WWC1: variants seen among roughly 807,000 people sequenced by gnomAD.
WWC1 encodes protein KIBRA.
Under a neutral mutation model 138.4 loss-of-function variants are expected in WWC1, and 55 were observed. That is an observed-to-expected ratio of 0.40 (90% CI 0.32 to 0.50). The LOEUF (loss-of-function observed/expected upper bound fraction) is 0.50, where lower values mean the gene tolerates loss of function less well. Among genes scored for constraint, WWC1 ranks in the 20% least tolerant of loss-of-function variants. The probability of loss-of-function intolerance (pLI) is 0.72; values close to 1 mark genes in which losing one functional copy is unlikely to be tolerated. For missense variants in WWC1, 1,226 were observed against 1,420.4 expected, an observed-to-expected ratio of 0.86 and a Z score of 2.20; for synonymous variants, 524 against 564.9, an observed-to-expected ratio of 0.93 and a Z score of 1.03.
rs970476838 is a variant in WWC1, at chr5:168,469,432, T to A, written c.*415T>A. ...AGTAATGCCTGGGGGACGGTAATCC[T>A]AATAGGACGTCCCGCACTTGTCACA... On this transcript the variant is annotated 3_prime_UTR_variant, in exon 23 of 23. Coordinates refer to ENST00000265293, the MANE Select transcript of WWC1 (RefSeq NM_015238.3). The A allele has an allele frequency of 1.1e-5, 2 of 176,078 alleles. No individual in the cohort carries two copies. Among genetic ancestry groups the A allele is most frequent in the Non-Finnish European group, 2.4e-5 (2 of 81,970 alleles). 10.9% of individuals were successfully genotyped at this position (176,078 alleles called of 1,614,324 possible).
chr5:168,361,169 A>G (rs539529829), intron 1 of WWC1, among the ~76,000 whole-genome samples: 6 of 152,214 alleles, frequency 3.9e-5, no homozygotes, highest in African/African-American at 7.2e-5. Flanking sequence ...GACCTGGGGG[A>G]AGGAATGGAC....
intron 16 of WWC1, among the ~76,000 whole-genome samples, chr5:168,442,514 T>G (rs1377540993): frequency 6.6e-6 from 1 of 151,200 alleles, no homozygotes; most frequent in African/African-American, 2.4e-5. Context: ...TAAAGAGCAC[T>G]TGGTAACTGT....
intron 5 of WWC1, among the ~76,000 whole-genome samples, chr5:168,403,068 TTC>T (rs775278149): frequency 1.6e-3 from 183 of 113,258 alleles, no homozygotes; most frequent in Non-Finnish European, 2.4e-3. Flanking sequence ...CTTTCTTTCT[TTC>T]TTTCTTTCTT....
chr5:168,345,409 C>T (rs1452515565), intron 1 of WWC1, among the ~76,000 whole-genome samples: 1 of 152,176 alleles, frequency 6.6e-6, no homozygotes, highest in Non-Finnish European at 1.5e-5. Context: ...AAATCCTTCC[C>T]TTTTAAAGGG....
In WWC1 at chr5:168,435,078, G is replaced by C. The variant is rs1235511155; in HGVS notation, c.2280+3634G>C. Among the ~76,000 whole-genome samples, 5 of 152,280 alleles carry C rather than the reference G, an allele frequency of 3.3e-5. No homozygotes were observed. The South Asian group carries it at 6.2e-4, about 19-fold the overall frequency. ...CACTCACTTCCCATGAGCCCTCAAT[G>C]CTGCCCAGAAATTATACTGTATCTC... On this transcript the variant is annotated intron_variant, in intron 15 of 22. Transcript: ENST00000265293.
At chr5:168,334,753 ACT>A (rs1773317869) in intron 1 of WWC1, among the ~76,000 whole-genome samples, 1 of 152,016 alleles carries the variant, frequency 6.6e-6, no homozygotes, top group South Asian at 2.1e-4. Flanking sequence ...TGAATCAATG[ACT>A]CTCCTGCTAA....
intron 1 of WWC1, among the ~76,000 whole-genome samples, chr5:168,333,435 T>TA (rs1244470731): frequency 6.6e-6 from 1 of 152,228 alleles, no homozygotes; most frequent in Admixed American, 6.5e-5. Context: ...TTCATACCTT[T>TA]ATGCCTGAGA....
At chr5:168,464,196 G>C (rs1757050485) in intron 20 of WWC1, among the ~76,000 whole-genome samples, 1 of 152,120 alleles carries the variant, frequency 6.6e-6, no homozygotes, top group Non-Finnish European at 1.5e-5. Context: ...GAAACAATAG[G>C]GGCCCATTAC....
chr5:168,365,993 G>A (rs1776264264), intron 1 of WWC1, among the ~76,000 whole-genome samples: 1 of 152,208 alleles, frequency 6.6e-6, no homozygotes, highest in Non-Finnish European at 1.5e-5. Flanking sequence ...GTGGGGGCTG[G>A]GAGTTCCAGG....
intron 8 of WWC1, chr5:168,410,330 A>C (rs1176811102): frequency 3.2e-6 from 1 of 314,436 alleles, no homozygotes; most frequent in African/African-American, 2.1e-5. Context: ...GAAGGAGTAC[A>C]ACTGGAATTT....
At position 168,447,155 on chromosome 5, in the gene WWC1, G is replaced by A. The variant is rs140308930; in HGVS notation, c.2525+2570G>A. Among the ~76,000 whole-genome samples, 362 of 152,304 alleles carry A rather than the reference G, an allele frequency of 2.4e-3. 2 individuals carry two copies. Among genetic ancestry groups the A allele is most frequent in the African/African-American group, 8.3e-3 (343 of 41,562 alleles). The stretch of plus-strand genomic sequence containing the variant: ...TAGAAAACAGCCACTATGTCATGGG[G>A]TATTTTGCAAAATTCAGTAAAATTA... On this transcript the variant is annotated intron_variant, in intron 17 of 22. Transcript: ENST00000265293.
chr5:168,377,682 C>T (rs913230287), intron 2 of WWC1, among the ~76,000 whole-genome samples: 8 of 152,172 alleles, frequency 5.3e-5, no homozygotes, highest in Admixed American at 1.3e-4. Flanking sequence ...TGAAAAAATG[C>T]TCCACATCCG....
chr5:168,365,024 G>A (rs1776181539), intron 1 of WWC1, among the ~76,000 whole-genome samples: 1 of 152,194 alleles, frequency 6.6e-6, no homozygotes, highest in Admixed American at 6.5e-5. Flanking sequence ...TAGACAATGA[G>A]TAAAAGAGTC....
Position 168,408,590 on chromosome 5 carries a change from T to G in WWC1, c.804T>G (p.Ser268Arg). ...DLWSSSSSLE[S>R]SSFPLPKQYL... The stretch of plus-strand genomic sequence containing the variant: ...GGTCCAGCAGCAGCTCTCTGGAGAG[T>G]TCGAGTTTCCCGCTACCGAAACAGT... The change falls in exon 7 of 23, where the codon AGT becomes AGG. Residue 268 changes from serine to arginine, a missense_variant. Physicochemically the swap from Ser to Arg is moderately radical, Grantham distance 110. This residue lies in a region of WWC1 where 1,016 missense variants were observed against 1,153.9 expected (regional missense o/e 0.88). Transcript: ENST00000265293. 1 of 1,613,950 alleles carries G rather than the reference T, an allele frequency of 6.2e-7. No individual in the cohort carries two copies. Among genetic ancestry groups the G allele is most frequent in the Non-Finnish European group, 8.5e-7 (1 of 1,179,972 alleles).
rs760818700 is a variant in WWC1, at chr5:168,408,670, G to A, written c.867+17G>A. 1.2e-6 allele frequency: 2 copies of A among 1,613,258 alleles called. No homozygotes were observed. Among genetic ancestry groups the A allele is most frequent in the Non-Finnish European group, 1.7e-6 (2 of 1,179,518 alleles). ...TCGGGAAGCGTGAGTAGACGGGGCAGGTTGCTGGGGGCCTTCCACAGGATG... is the reference window on the plus strand; with the variant it reads ...TCGGGAAGCGTGAGTAGACGGGGCAAGTTGCTGGGGGCCTTCCACAGGATG... On this transcript the variant is annotated intron_variant, in intron 7 of 22. Coordinates refer to ENST00000265293, the MANE Select transcript of WWC1 (RefSeq NM_015238.3).
At position 168,469,152 on chromosome 5, in the gene WWC1, C is replaced by A. The variant is rs1364464827; in HGVS notation, c.*135C>A. ...TGCTCTTGTTGGTTTGAAGATGAAC[C>A]GACTTTTTAGTTTGGGTCCTACTGT... On this transcript the variant is annotated 3_prime_UTR_variant, in exon 23 of 23. Coordinates refer to ENST00000265293, the MANE Select transcript of WWC1 (RefSeq NM_015238.3). 6 of 1,017,874 alleles carry A rather than the reference C, an allele frequency of 5.9e-6. No individual in the cohort carries two copies. The highest frequency in any genetic ancestry group is 2.1e-4 in the Middle Eastern group (1 of 4,688). The allele number at this position is 1,017,874 out of a possible 1,614,324, so 63.1% of individuals were successfully genotyped here. A position where few individuals can be genotyped will look rare whatever the true frequency, so the allele number is the denominator to read the frequency against.
rs1413131355 is a variant in WWC1 at position 168,385,294 on chromosome 5, G to A, written c.313G>A (p.Glu105Lys). 5 of 1,614,018 alleles carry A rather than the reference G, an allele frequency of 3.1e-6. No homozygotes were observed. Among genetic ancestry groups the A allele is most frequent in the Non-Finnish European group, 4.2e-6 (5 of 1,179,988 alleles). ...GAAGGATTACCTGGTGGTGGCCCAGGAGGCTCTGAGTGCACAAAAGGAGAT... is the reference window on the plus strand; with the variant it reads ...GAAGGATTACCTGGTGGTGGCCCAGAAGGCTCTGAGTGCACAAAAGGAGAT... The part of the protein sequence containing the change: ...MLKDYLVVAQ[E>K]ALSAQKEIYQ... The change falls in exon 3 of 23, where the codon GAG becomes AAG. Residue 105 changes from glutamate (E) to lysine (K), a missense_variant. Coordinates refer to ENST00000265293, the MANE Select transcript of WWC1 (RefSeq NM_015238.3).
chr5:168,321,278 TTC>T (rs1406273574), intron 1 of WWC1, among the ~76,000 whole-genome samples: 2 of 152,250 alleles, frequency 1.3e-5, no homozygotes, highest in South Asian at 2.1e-4. Flanking sequence ...AAGAACCAGG[TTC>T]TTTTTCTAGA....
chr5:168,380,513 A>G (rs2152815089), intron 2 of WWC1, among the ~76,000 whole-genome samples: 1 of 152,318 alleles, frequency 6.6e-6, no homozygotes, highest in African/African-American at 2.4e-5. Flanking sequence ...ATGAGGAAAA[A>G]AATAACAATA....
Sources: gnomAD v4.1 joint callset for allele counts (sites outside exome capture counted in the v4.1 genomes callset) on GRCh38, gnomAD v4.1.1 for gene constraint, gnomAD v4.1.1 regional missense constraint, MANE v1.5 for transcripts, NCBI Gene and HGNC (gene_info 2026-07-23, HGNC 2026-07-21) for gene names.